RNF220: variants seen among roughly 807,000 people sequenced by gnomAD.
RNF220 encodes the protein E3 ubiquitin-protein ligase RNF220.
Under a neutral mutation model 67.1 loss-of-function variants are expected in RNF220, and 7 were observed. The ratio of observed to expected loss-of-function variants is 0.10; its 90% CI spans 0.06 to 0.20. RNF220 has a LOEUF of 0.20. Ranked by LOEUF, RNF220 falls within the 10% of genes least tolerant of loss-of-function variation. The pLI, the probability that RNF220 is intolerant of heterozygous loss-of-function variation, is 1.00. For synonymous variants in RNF220, 270 were observed against 283.2 expected (o/e 0.95, Z 0.47); for missense variants, 565 against 740.3 (o/e 0.76, Z 2.75).
At chr1:44,445,358 T>G (rs749005232) in intron 2 of RNF220, among the ~76,000 whole-genome samples, 2 of 152,238 alleles carry the variant, frequency 1.3e-5, no homozygotes, top group Non-Finnish European at 2.9e-5. Flanking sequence ...ACCAGAGTTC[T>G]AAGAGAAACC....
intron 2 of RNF220, among the ~76,000 whole-genome samples, chr1:44,505,749 G>A (rs1210903079): frequency 1.3e-5 from 2 of 152,156 alleles, no homozygotes; most frequent in South Asian, 2.1e-4. Context: ...TTAAGCCAGC[G>A]TAACATTCTC....
At chr1:44,454,656 GT>G (rs200541444) in intron 2 of RNF220, among the ~76,000 whole-genome samples, 8,391 of 142,540 alleles carry the variant, frequency 0.059, 273 homozygotes, top group Non-Finnish European at 0.075. Context: ...ATTTTGGTGG[GT>G]TTTTTTTTTT....
chr1:44,563,311 G>C (rs926077878), intron 2 of RNF220, among the ~76,000 whole-genome samples: 5 of 152,214 alleles, frequency 3.3e-5, no homozygotes, highest in African/African-American at 1.2e-4. Context: ...AGGGCCCCCT[G>C]AGCTGGTGGC....
At chr1:44,631,607 G>C (rs1469376004) in intron 5 of RNF220, 1 of 152,430 alleles carries the variant, frequency 6.6e-6, no homozygotes, top group Non-Finnish European at 1.5e-5. Flanking sequence ...CCTAGGGGTT[G>C]GGCGGGGATC....
chr1:44,458,860 C>T (rs957675196), intron 2 of RNF220, among the ~76,000 whole-genome samples: 220 of 152,328 alleles, frequency 1.4e-3, no homozygotes, highest in African/African-American at 5.1e-3. Flanking sequence ...ATTCAGAGCA[C>T]TGTGTCCATT....
At chr1:44,593,181 T>C (rs553347128) in intron 2 of RNF220, among the ~76,000 whole-genome samples, 1 of 152,284 alleles carries the variant, frequency 6.6e-6, no homozygotes, top group Admixed American at 6.5e-5. Context: ...CAAAGCCCTT[T>C]TCCCTGTTCC....
rs144390208 is a variant in RNF220, at chr1:44,503,371, G to T, written c.625+90649G>T. On this transcript the variant is annotated intron_variant, in intron 2 of 14. Transcript: ENST00000361799. ...AAAAAAAAAAGAAGCGTTTACCAAG[G>T]AAAGCATTTTGGAGGTGAAAACGTG... Among the ~76,000 whole-genome samples the T allele has an allele frequency of 3.6e-3, 539 of 148,382 alleles. 7 individuals are homozygous for T. Among genetic ancestry groups the T allele is most frequent in the South Asian group, 0.028 (131 of 4,644 alleles).
chr1:44,519,244 ATTT>A (rs1450986983), intron 2 of RNF220, among the ~76,000 whole-genome samples: 9 of 152,238 alleles, frequency 5.9e-5, no homozygotes, highest in Non-Finnish European at 1.0e-4. Flanking sequence ...TCATTTATTT[ATTT>A]AGTCATTAAT....
At chr1:44,437,023 A>G (rs1164882095) in intron 2 of RNF220, among the ~76,000 whole-genome samples, 1 of 152,230 alleles carries the variant, frequency 6.6e-6, no homozygotes, top group East Asian at 1.9e-4. Flanking sequence ...AAGATAGGTC[A>G]TTCCTTTGAA....
At position 44,622,637 on chromosome 1, in the gene RNF220, A is replaced by C; in HGVS notation, c.759-105A>C. 1 of 983,560 alleles carries C rather than the reference A, an allele frequency of 1.0e-6. No individual in the cohort carries two copies. The highest frequency in any genetic ancestry group is 1.4e-5 in the South Asian group (1 of 73,014). 60.9% of individuals were successfully genotyped at this position (983,560 alleles called of 1,614,324 possible). ...GAGCTTGGCTGAGCTGGGCTGGGCTAGGCGGTCTATGCCTTCTCTGTCTTT... is the reference window on the plus strand; with the variant it reads ...GAGCTTGGCTGAGCTGGGCTGGGCTCGGCGGTCTATGCCTTCTCTGTCTTT... On this transcript the variant is annotated intron_variant, in intron 3 of 14. Coordinates refer to ENST00000361799, the MANE Select transcript of RNF220 (RefSeq NM_018150.4). The surrounding 1 kb of genome is among the most constrained non-coding windows in gnomAD (Gnocchi z 4.3).
At chr1:44,482,763 A>G (rs576050177) in intron 2 of RNF220, among the ~76,000 whole-genome samples, 2 of 151,964 alleles carry the variant, frequency 1.3e-5, no homozygotes, top group Non-Finnish European at 2.9e-5. Flanking sequence ...CTGGGATTAC[A>G]GGCATGTGCC....
intron 2 of RNF220, among the ~76,000 whole-genome samples, chr1:44,558,858 TCTC>T (rs1663333155): frequency 1.3e-5 from 2 of 152,222 alleles, no homozygotes. Context: ...CTGTCACCTG[TCTC>T]AACCCAACTT....
At chr1:44,432,007 C>T (rs1650430702) in intron 2 of RNF220, among the ~76,000 whole-genome samples, 1 of 152,222 alleles carries the variant, frequency 6.6e-6, no homozygotes, top group South Asian at 2.1e-4. Context: ...AAAGAGGGAT[C>T]CTCTGTAATA....
intron 2 of RNF220, among the ~76,000 whole-genome samples, chr1:44,427,012 A>G (rs1162209037): frequency 1.3e-5 from 2 of 152,180 alleles, no homozygotes; most frequent in East Asian, 3.9e-4. Context: ...TATCACTCCT[A>G]ATAATAATAG....
chr1:44,555,306 G>A (rs1035254434), intron 2 of RNF220, among the ~76,000 whole-genome samples: 4 of 152,056 alleles, frequency 2.6e-5, no homozygotes, highest in African/African-American at 7.3e-5. Context: ...GGACTCAAGC[G>A]ATTCTCCTGC....
rs531439312 is a variant in RNF220 at position 44,533,402 on chromosome 1, G to C, written c.626-80763G>C. Among the ~76,000 whole-genome samples the C allele has an allele frequency of 1.6e-4, 25 of 152,202 alleles. No individual in the cohort carries two copies. In the East Asian group the frequency reaches 4.6e-3, roughly 28 times the overall value. ...AGCTACTTGGGAGGCTGAGGCAGGA[G>C]GATTGCTTGAGCCTAGGAGGGCTGC... On this transcript the variant is annotated intron_variant, in intron 2 of 14. Coordinates refer to ENST00000361799, the MANE Select transcript of RNF220 (RefSeq NM_018150.4).
rs142636392 is a variant in RNF220 at position 44,459,578 on chromosome 1, T to C, written c.625+46856T>C. ...ACGAAGTAAGGGTAGATAAAGGAAT[T>C]TGGGGATCTTCGAACAAAAAAGTGA... On this transcript the variant is annotated intron_variant, in intron 2 of 14. Coordinates refer to ENST00000361799, the MANE Select transcript of RNF220 (RefSeq NM_018150.4). Among the ~76,000 whole-genome samples, 35 of 151,968 alleles carry C rather than the reference T, an allele frequency of 2.3e-4. No homozygotes were observed. The East Asian group carries it at 4.6e-3, about 20-fold the overall frequency.
chr1:44,447,779 C>T (rs774978523), intron 2 of RNF220, among the ~76,000 whole-genome samples: 2 of 152,160 alleles, frequency 1.3e-5, no homozygotes, highest in African/African-American at 2.4e-5. Flanking sequence ...TCTGCTGGGA[C>T]GTGAATAATT....
intron 2 of RNF220, among the ~76,000 whole-genome samples, chr1:44,437,957 GCCTTAAA>G (rs1316265873): frequency 6.6e-6 from 1 of 152,098 alleles, no homozygotes; most frequent in Admixed American, 6.5e-5. Context: ...GTTGGGAAAG[GCCTTAAA>G]CAGAGACACT....
Sources: gnomAD v4.1 joint callset for allele counts (sites outside exome capture counted in the v4.1 genomes callset) on GRCh38, gnomAD v4.1.1 for gene constraint, Gnocchi (gnomAD v3.1) non-coding constraint, MANE v1.5 for transcripts, NCBI Gene and HGNC (gene_info 2026-07-23, HGNC 2026-07-21) for gene names.